The following CLPTM1L variants were observed in gnomAD, a reference collection of about 807,000 sequenced individuals.
The protein encoded by CLPTM1L is CLPTM1 like.
In CLPTM1L, 38 loss-of-function variants were observed where a neutral mutation model predicts 70.9. That is an observed-to-expected ratio of 0.54 (90% CI 0.41 to 0.70). The LOEUF is 0.70. Ranked by LOEUF, CLPTM1L falls within the 30% of genes least tolerant of loss-of-function variation. CLPTM1L has a pLI of 0.00. For synonymous variants in CLPTM1L, 339 were observed against 299.9 expected (o/e 1.13, Z -1.35); for missense variants, 652 against 705.9 (o/e 0.92, Z 0.87).
chr5:1,320,851 C>T (rs1217267747), intron 15 of CLPTM1L, 120 bp from the exon 16 acceptor site: 1 of 569,226 alleles, frequency 1.8e-6, no homozygotes, highest in Non-Finnish European at 3.2e-6. Flanking sequence ...TGGAACTCCT[C>T]ACAGCAACAA....
rs1274501526 is a variant in CLPTM1L at position 1,322,875 on chromosome 5, A to T, written c.1315+2T>A. ...CTGAAGCAGGGAAGCACATGGACTC[A>T]CCGTTGACGAAGCTGTTGATTAACC... On this transcript the variant is annotated splice_donor_variant, in intron 13 of 16. Transcript: ENST00000320895. LOFTEE classifies it high-confidence loss of function. 1.2e-6 allele frequency: 2 copies of T among 1,613,858 alleles called. No individual in the cohort carries two copies. Among genetic ancestry groups the T allele is most frequent in the Non-Finnish European group, 1.7e-6 (2 of 1,179,880 alleles).
chr5:1,329,242 C>A (rs73024256), intron 9 of CLPTM1L, among the ~76,000 whole-genome samples: 1 of 152,266 alleles, frequency 6.6e-6, no homozygotes, highest in East Asian at 1.9e-4. Context: ...TCCGGAACAA[C>A]CAAGGCTGGA....
At chr5:1,321,543 A>G (rs1752153327) in intron 15 of CLPTM1L, 92 bp downstream of exon 15, 1 of 1,113,234 alleles carries the variant, frequency 9.0e-7, no homozygotes. Flanking sequence ...CACTCTGGGC[A>G]GAGATGGCCC....
intron 6 of CLPTM1L, among the ~76,000 whole-genome samples, chr5:1,334,784 AT>A (rs1328389833): frequency 3.3e-5 from 5 of 152,088 alleles, no homozygotes; most frequent in Non-Finnish European, 7.4e-5. Context: ...CAAACAAACA[AT>A]AAAAATAAAT....
chr5:1,339,761 C>T (rs891690998), intron 3 of CLPTM1L, among the ~76,000 whole-genome samples: 1 of 73,208 alleles, frequency 1.4e-5, no homozygotes, highest in Non-Finnish European at 2.7e-5. Flanking sequence ...AAACCGCGCC[C>T]GGACAGCAGG....
In CLPTM1L at chr5:1,345,010, G is replaced by A; in HGVS notation, c.-169C>T. On this transcript the variant is annotated 5_prime_UTR_variant, in exon 1 of 17. Transcript: ENST00000320895. ...CGCCGCGCGCCGCAGACCGCCGGCCGCCCCGCATGCTCCGGCCCCGCTCCC... is the reference window on the plus strand; with the variant it reads ...CGCCGCGCGCCGCAGACCGCCGGCCACCCCGCATGCTCCGGCCCCGCTCCC... 2 of 214,022 alleles carry A rather than the reference G, an allele frequency of 9.3e-6. No individual in the cohort carries two copies. Among genetic ancestry groups the A allele is most frequent in the Non-Finnish European group, 1.6e-5 (2 of 126,292 alleles). The allele number at this position is 214,022 out of a possible 1,614,324, so 13.3% of individuals were successfully genotyped here.
chr5:1,344,958 A>C lies in CLPTM1L; in HGVS notation c.-117T>G, dbSNP rs1754184475. 13 of 484,868 alleles carry C rather than the reference A, an allele frequency of 2.7e-5. No individual in the cohort carries two copies. In the South Asian group the frequency reaches 3.2e-4, roughly 12 times the overall value. 30.0% of individuals were successfully genotyped at this position (484,868 alleles called of 1,614,324 possible). A position where few individuals can be genotyped will look rare whatever the true frequency, so the allele number is the denominator to read the frequency against. On this transcript the variant is annotated 5_prime_UTR_variant, in exon 1 of 17. Transcript: ENST00000320895. ...GCTCACTGGAGAGCCGCCGCGCGCCACCGCCACCGCCGCGGGGGAACGAAT... is the reference window on the plus strand; with the variant it reads ...GCTCACTGGAGAGCCGCCGCGCGCCCCCGCCACCGCCGCGGGGGAACGAAT...
chr5:1,334,322 G>A lies in CLPTM1L; in HGVS notation c.858C>T (p.Phe286=), dbSNP rs1267158028. ...KGIFVDTNLY[F]LALTFFVAAF... ...CTGCGACAAAGAAGGTCAGCGCCAG[G>A]AAGTATAAGTTGGTATCTACAAAAA... The change falls in exon 7 of 17, where the codon TTC becomes TTT. Residue 286 remains phenylalanine (F), a synonymous_variant. Coordinates refer to ENST00000320895, the MANE Select transcript of CLPTM1L (RefSeq NM_030782.5). The A allele has an allele frequency of 1.2e-6, 2 of 1,613,688 alleles. No individual in the cohort carries two copies. The highest frequency in any genetic ancestry group is 1.7e-6 in the Non-Finnish European group (2 of 1,179,826).
At position 1,326,876 on chromosome 5, in the gene CLPTM1L, C is replaced by G. The variant is rs199923295; in HGVS notation, c.1081-1060G>C. On this transcript the variant is annotated intron_variant, in intron 9 of 16. Coordinates refer to ENST00000320895, the MANE Select transcript of CLPTM1L (RefSeq NM_030782.5). ...TTTCATCCAGCTCCTCCTCGACAGACACATTTCATCCAGCTCCTCCTCTAC... is the reference window on the plus strand; with the variant it reads ...TTTCATCCAGCTCCTCCTCGACAGAGACATTTCATCCAGCTCCTCCTCTAC... Among the ~76,000 whole-genome samples, 380 of 148,060 alleles carry G rather than the reference C, an allele frequency of 2.6e-3. 19 individuals are homozygous for G. Among genetic ancestry groups the G allele is most frequent in the East Asian group, 0.022 (100 of 4,568 alleles).
intron 9 of CLPTM1L, among the ~76,000 whole-genome samples, chr5:1,327,498 GCTC>G (rs1752685609): frequency 6.7e-6 from 1 of 148,580 alleles, no homozygotes; most frequent in Admixed American, 6.7e-5. Flanking sequence ...ATTTCATCCA[GCTC>G]CTCCTCTACA....
At position 1,331,901 on chromosome 5, in the gene CLPTM1L, G is replaced by A. The variant is rs775353476; in HGVS notation, c.892-18C>T. On this transcript the variant is annotated intron_variant, in intron 7 of 16. Transcript: ENST00000320895. ...AAGAGAAGCTAGAGAGAACACACAC[G>A]ACAGCAACTCACATCTCCTGCTGTT... The A allele has an allele frequency of 1.4e-5, 22 of 1,599,464 alleles. No individual in the cohort carries two copies. Among genetic ancestry groups the A allele is most frequent in the African/African-American group, 1.2e-4 (9 of 74,628 alleles).
chr5:1,328,648 A>G (rs1209737387), intron 9 of CLPTM1L, among the ~76,000 whole-genome samples: 1 of 150,762 alleles, frequency 6.6e-6, no homozygotes, highest in Admixed American at 6.6e-5. Flanking sequence ...CTCTACAGAC[A>G]GTTTTCTTCC....
intron 7 of CLPTM1L, among the ~76,000 whole-genome samples, chr5:1,332,625 T>C (rs1374489166): frequency 6.6e-6 from 1 of 152,170 alleles, no homozygotes; most frequent in Non-Finnish European, 1.5e-5. Context: ...ACAGCAGCCT[T>C]GCTTTACCCA....
chr5:1,335,664 C>T (rs905254652), intron 5 of CLPTM1L, among the ~76,000 whole-genome samples: 18 of 152,218 alleles, frequency 1.2e-4, no homozygotes, highest in African/African-American at 4.3e-4. Context: ...GCCGTGGGGA[C>T]AACAGAAAGC....
chr5:1,318,151 C>A lies in CLPTM1L; in HGVS notation c.*218G>T. 1.8e-6 allele frequency: 1 copy of A among 559,808 alleles called. No homozygotes were observed. The highest frequency in any genetic ancestry group is 2.4e-5 in the South Asian group (1 of 41,356). 34.7% of individuals were successfully genotyped at this position (559,808 alleles called of 1,614,324 possible). On this transcript the variant is annotated 3_prime_UTR_variant, in exon 17 of 17. Transcript: ENST00000320895. This position sits in a 1 kb window ranked among gnomAD's most constrained non-coding sequence, Gnocchi z 8.9. Reference sequence around the variant, plus strand: ...CCACAGCTCAAGGTGACCGGCAGCACCCAGCTCTGTGACCAAGACAGATGT... The same window carrying A: ...CCACAGCTCAAGGTGACCGGCAGCAACCAGCTCTGTGACCAAGACAGATGT...
chr5:1,331,989 A>G, intron 7 of CLPTM1L, 106 bp from the exon 8 acceptor site: 1 of 902,382 alleles, frequency 1.1e-6, no homozygotes, highest in East Asian at 2.6e-5. Context: ...AGGTGTACTC[A>G]GCCTCAGGAT....
intron 13 of CLPTM1L, among the ~76,000 whole-genome samples, chr5:1,322,127 G>A (rs1041724205): frequency 1.3e-5 from 2 of 152,222 alleles, no homozygotes; most frequent in African/African-American, 4.8e-5. Flanking sequence ...ATGAGGACAC[G>A]GCCTCCTGAC....
chr5:1,333,723 T>C (rs796710115), intron 7 of CLPTM1L, among the ~76,000 whole-genome samples: 6 of 54,560 alleles, frequency 1.1e-4, no homozygotes, highest in Admixed American at 5.1e-4. Flanking sequence ...GACTACTGTA[T>C]ACACACCGGA....
chr5:1,322,693 G>A (rs553881355), intron 13 of CLPTM1L, 184 bp downstream of exon 13: 50 of 677,850 alleles, frequency 7.4e-5, no homozygotes, highest in African/African-American at 1.2e-4. Context: ...GTGAAGCCAC[G>A]CAGGGCTTTA....
Sources: gnomAD v4.1 joint callset for allele counts (sites outside exome capture counted in the v4.1 genomes callset) on GRCh38, gnomAD v4.1.1 for gene constraint, Gnocchi (gnomAD v3.1) non-coding constraint, MANE v1.5 for transcripts, NCBI Gene and HGNC (gene_info 2026-07-23, HGNC 2026-07-21) for gene names.